NUP153: variants seen among roughly 807,000 people sequenced by gnomAD.
The protein encoded by NUP153 is nuclear pore complex protein Nup153.
Under a neutral mutation model 134.6 loss-of-function variants are expected in NUP153, and 27 were observed. The observed-to-expected ratio is 0.20, with a 90% CI of 0.15 to 0.28. The LOEUF (loss-of-function observed/expected upper bound fraction) is 0.28, where lower values mean the gene tolerates loss of function less well. Among genes scored for constraint, NUP153 ranks in the 10% least tolerant of loss-of-function variants. The pLI, the probability that NUP153 is intolerant of heterozygous loss-of-function variation, is 1.00. For synonymous variants in NUP153, 640 were observed against 623.5 expected (o/e 1.03, Z -0.40); for missense variants, 1,821 against 1,731.3 (o/e 1.05, Z -0.92).
chr6:17,699,426 T>G (rs1298450979), intron 1 of NUP153, among the ~76,000 whole-genome samples: 2 of 146,024 alleles, frequency 1.4e-5, no homozygotes, highest in Non-Finnish European at 3.0e-5. Context: ...GAGGTTGCAG[T>G]GAGCCGAAAT....
chr6:17,637,571 T>C lies in NUP153; in HGVS notation c.2046A>G (p.Gln682=), dbSNP rs1408506284. 2.5e-6 allele frequency: 4 copies of C among 1,614,222 alleles called. No individual in the cohort carries two copies. The highest frequency in any genetic ancestry group is 1.3e-5 in the African/African-American group (1 of 75,056). Residue 682 remains glutamine, a synonymous_variant, in exon 16 of 22, where the codon CAA becomes CAG. Coordinates refer to ENST00000262077, the MANE Select transcript of NUP153 (RefSeq NM_005124.4). ...TATCTCTGGGTGACAATTTTGCTGC[T>C]TGACAGGCTATGCATTTGTTGTCTG... ...KVTDNKCIAC[Q]AAKLSPRDTA... is the part of the protein sequence containing the mutation.
intron 5 of NUP153, 79 bp downstream of exon 5, chr6:17,674,826 G>A: frequency 1.8e-6 from 2 of 1,113,340 alleles, no homozygotes; most frequent in South Asian, 4.2e-5. Flanking sequence ...ATTTTTTTGA[G>A]CACAAAGTAA....
Position 17,624,725 on chromosome 6 carries a change from T to C in NUP153, c.4010A>G (p.Asn1337Ser), listed in dbSNP as rs145165971. 6.1e-5 allele frequency: 98 copies of C among 1,613,962 alleles called. No individual in the cohort carries two copies. Among genetic ancestry groups the C allele is most frequent in the Non-Finnish European group, 7.6e-5 (90 of 1,180,016 alleles). The change falls in exon 20 of 22, where the codon AAT (asparagine) becomes AGT (serine). Residue 1337 changes from asparagine (N) to serine (S), a missense_variant. Asn to Ser is a conservative substitution (Grantham distance 46, BLOSUM62 1). Transcript: ENST00000262077. ...FGQSQGASQP[N>S]PPGFGSISSS... ...TGATATAGATCCAAAGCCTGGGGGATTGGGCTGGCTGGCACCTTGACTTTG... is the reference window on the plus strand; with the variant it reads ...TGATATAGATCCAAAGCCTGGGGGACTGGGCTGGCTGGCACCTTGACTTTG...
intron 16 of NUP153, among the ~76,000 whole-genome samples, chr6:17,633,634 C>G (rs896049086): frequency 6.6e-6 from 1 of 152,164 alleles, no homozygotes; most frequent in Non-Finnish European, 1.5e-5. Flanking sequence ...AAAGGATACA[C>G]AGAGGTGACA....
In NUP153 at chr6:17,646,135, A is replaced by T; in HGVS notation, c.1652T>A (p.Val551Glu). Residue 551 changes from valine to glutamate, a missense_variant, in exon 14 of 22, where the codon GTG (valine) becomes GAG (glutamate). Coordinates refer to ENST00000262077, the MANE Select transcript of NUP153 (RefSeq NM_005124.4). ...PPSSIGFTFSVPVAKTAELSG... is the reference protein window; with the variant it reads ...PPSSIGFTFSEPVAKTAELSG... ...AAGTTCTGCTGTTTTTGCAACAGGC[A>T]CACTAAATGTAAATCCAATCTGTAA... 6.3e-7 allele frequency: 1 copy of T among 1,590,686 alleles called. No individual in the cohort carries two copies. The highest frequency in any genetic ancestry group is 1.1e-5 in the South Asian group (1 of 90,456).
At chr6:17,688,334 T>A (rs1450653880) in intron 2 of NUP153, 62 bp downstream of exon 2, 6 of 1,240,386 alleles carry the variant, frequency 4.8e-6, no homozygotes, top group African/African-American at 1.5e-5. Flanking sequence ...AACTAGGTAG[T>A]GTCTTCAAAA....
intron 1 of NUP153, among the ~76,000 whole-genome samples, chr6:17,699,699 G>A (rs1769924352): frequency 6.6e-6 from 1 of 151,900 alleles, no homozygotes; most frequent in Admixed American, 6.6e-5. Context: ...GCCAGGCGTG[G>A]TGGCACACAC....
chr6:17,689,817 G>A (rs1181354063), intron 1 of NUP153, among the ~76,000 whole-genome samples: 1 of 151,990 alleles, frequency 6.6e-6, no homozygotes, highest in African/African-American at 2.4e-5. Flanking sequence ...GAGCCACCGT[G>A]CCCAGCTATT....
rs942445198 is a variant in NUP153 at position 17,706,450 on chromosome 6, G to A, written c.-63C>T. The stretch of plus-strand genomic sequence containing the variant: ...AGGGGGCGGGAGAGGCAGAGGCGGA[G>A]GCCTTAGAGAGCCTCCCCCGCCGCC... On this transcript the variant is annotated 5_prime_UTR_variant, in exon 1 of 22. Coordinates refer to ENST00000262077, the MANE Select transcript of NUP153 (RefSeq NM_005124.4). The surrounding 1 kb of genome is among the most constrained non-coding windows in gnomAD (Gnocchi z 5.9). 1.3e-5 allele frequency: 18 copies of A among 1,352,178 alleles called. No homozygotes were observed. The highest frequency in any genetic ancestry group is 1.9e-5 in the Non-Finnish European group (18 of 969,820). The allele number at this position is 1,352,178 out of a possible 1,614,324, so 83.8% of individuals were successfully genotyped here. A position where few individuals can be genotyped will look rare whatever the true frequency, so the allele number is the denominator to read the frequency against.
In NUP153 at chr6:17,615,980, A is replaced by G. The variant is rs1764292669; in HGVS notation, c.*117T>C. ...AAAGAGAAAGGAGGAAAATTCCAAAATTAAAGAAGTCCTTAGGCAGATCTG... is the reference window on the plus strand; with the variant it reads ...AAAGAGAAAGGAGGAAAATTCCAAAGTTAAAGAAGTCCTTAGGCAGATCTG... On this transcript the variant is annotated 3_prime_UTR_variant, in exon 22 of 22. Coordinates refer to ENST00000262077, the MANE Select transcript of NUP153 (RefSeq NM_005124.4). The surrounding 1 kb of genome is among the most constrained non-coding windows in gnomAD (Gnocchi z 5.7). 1 of 657,854 alleles carries G rather than the reference A, an allele frequency of 1.5e-6. No individual in the cohort carries two copies. The highest frequency in any genetic ancestry group is 1.8e-5 in the African/African-American group (1 of 54,104). 40.8% of individuals were successfully genotyped at this position (657,854 alleles called of 1,614,324 possible).
intron 15 of NUP153, 141 bp downstream of exon 15, chr6:17,639,798 C>T (rs999953775): frequency 4.5e-5 from 30 of 664,780 alleles, no homozygotes; most frequent in Non-Finnish European, 7.1e-5. Context: ...AAAAGAATTA[C>T]ACCTAACTAC....
chr6:17,621,533 C>T (rs920821940), intron 20 of NUP153, among the ~76,000 whole-genome samples: 14 of 152,162 alleles, frequency 9.2e-5, no homozygotes, highest in African/African-American at 2.7e-4. Flanking sequence ...AAGAAAATAA[C>T]ATCTTGTCAT....
chr6:17,647,209 A>G (rs938637083), intron 13 of NUP153, among the ~76,000 whole-genome samples: 1 of 152,250 alleles, frequency 6.6e-6, no homozygotes, highest in East Asian at 1.9e-4. Flanking sequence ...TTAAAATAAT[A>G]TAAACATGCC....
chr6:17,704,873 C>T (rs771656921), intron 1 of NUP153, among the ~76,000 whole-genome samples: 15 of 152,070 alleles, frequency 9.9e-5, no homozygotes, highest in Non-Finnish European at 2.1e-4. Context: ...CATTCTCCTG[C>T]CTCAGCCTCC....
intron 2 of NUP153, among the ~76,000 whole-genome samples, chr6:17,678,897 G>T (rs1043600225): frequency 6.6e-6 from 1 of 150,824 alleles, no homozygotes; most frequent in African/African-American, 2.4e-5. Context: ...AATGAGCTAT[G>T]ATGGCACCAC....
intron 1 of NUP153, among the ~76,000 whole-genome samples, chr6:17,702,400 C>G (rs904317807): frequency 1.8e-4 from 27 of 152,074 alleles, no homozygotes; most frequent in Non-Finnish European, 3.5e-4. Flanking sequence ...CCCAGCTACT[C>G]GGGAGGCTGA....
intron 2 of NUP153, among the ~76,000 whole-genome samples, chr6:17,682,021 AAC>A (rs535290097): frequency 8.5e-4 from 130 of 152,290 alleles, no homozygotes; most frequent in Non-Finnish European, 1.6e-3. Context: ...CAGCCTGGGC[AAC>A]ACAGTGAGGC....
At position 17,675,755 on chromosome 6, in the gene NUP153, C is replaced by T; in HGVS notation, c.350G>A (p.Ser117Asn). ...CACATCTGGATAATTTGAAGCAGTA[C>T]TAGTTGTTGAAGGTTCTTAAAAGAA... Reference protein sequence around the residue: ...VSNTEEPSTTSTASNYPDVLT... With the variant: ...VSNTEEPSTTNTASNYPDVLT... The change falls in exon 3 of 22, where the codon AGT becomes AAT. Residue 117 changes from serine (S) to asparagine (N), a missense_variant. Ser to Asn is a conservative substitution (Grantham distance 46, BLOSUM62 1). Transcript: ENST00000262077. The surrounding 1 kb of genome is among the most constrained non-coding windows in gnomAD (Gnocchi z 4.4). 1.2e-6 allele frequency: 2 copies of T among 1,613,520 alleles called. No homozygotes were observed. The highest frequency in any genetic ancestry group is 1.7e-6 in the Non-Finnish European group (2 of 1,179,448).
chr6:17,681,457 C>T (rs537664136), intron 2 of NUP153, among the ~76,000 whole-genome samples: 318 of 152,042 alleles, frequency 2.1e-3, no homozygotes, highest in Admixed American at 6.6e-3. Context: ...TGGTGGCGGG[C>T]GCCTGTAGTC....
Sources: gnomAD v4.1 joint callset for allele counts (sites outside exome capture counted in the v4.1 genomes callset) on GRCh38, gnomAD v4.1.1 for gene constraint, Gnocchi (gnomAD v3.1) non-coding constraint, MANE v1.5 for transcripts, NCBI Gene and HGNC (gene_info 2026-07-23, HGNC 2026-07-21) for gene names.